Variants in WWOX observed in about 807,000 individuals in gnomAD.
The protein encoded by WWOX is WW domain containing oxidoreductase, also known as WW domain-containing oxidoreductase.
Under a neutral mutation model 46.2 loss-of-function variants are expected in WWOX, and 69 were observed. The observed-to-expected ratio is 1.49, with a 90% CI of 1.23 to 1.82. The LOEUF is 1.82. Among genes scored for constraint, WWOX ranks in the 40% most tolerant of loss-of-function variants. WWOX has a pLI of 0.00. For missense variants in WWOX, 919 were observed against 542.6 expected, an observed-to-expected ratio of 1.69 and a Z score of -6.89; for synonymous variants, 359 against 202.6, an observed-to-expected ratio of 1.77 and a Z score of -6.56.
chr16:78,274,929 G>A (rs538685486), intron 5 of WWOX, among the ~76,000 whole-genome samples: 1 of 152,280 alleles, frequency 6.6e-6, no homozygotes, highest in African/African-American at 2.4e-5. Context: ...TGGTAAGAGA[G>A]CCTTTCCCTT....
intron 8 of WWOX, among the ~76,000 whole-genome samples, chr16:78,557,689 A>ATTTTTTTTTTTTTTTTTTTTTTTTTT (rs34068363): frequency 9.3e-5 from 9 of 96,624 alleles, no homozygotes; most frequent in East Asian, 2.8e-4. Flanking sequence ...CTAGGGAAGG[A>ATTTTTTTTTTTTTTTTTTTTTTTTTT]TTTTTTTTTT....
intron 8 of WWOX, among the ~76,000 whole-genome samples, chr16:78,915,540 G>A (rs1165660751): frequency 6.6e-6 from 1 of 152,072 alleles, no homozygotes; most frequent in Non-Finnish European, 1.5e-5. Context: ...ATGTTAGCAG[G>A]GGACTGGGCA....
intron 8 of WWOX, among the ~76,000 whole-genome samples, chr16:78,629,783 A>G (rs997293436): frequency 8.5e-5 from 13 of 152,200 alleles, no homozygotes; most frequent in Non-Finnish European, 5.9e-5. Context: ...TCTTTCATAT[A>G]AGTATTTCTT....
chr16:78,818,916 C>T (rs1484408717), intron 8 of WWOX, among the ~76,000 whole-genome samples: 1 of 152,208 alleles, frequency 6.6e-6, no homozygotes, highest in Admixed American at 6.5e-5. Context: ...AGAGCAGAGT[C>T]AGGAAACCTA....
chr16:78,369,258 G>T (rs1241586386), intron 5 of WWOX, among the ~76,000 whole-genome samples: 2 of 151,946 alleles, frequency 1.3e-5, no homozygotes. Flanking sequence ...AGTTCCAAAA[G>T]ATAGTGAAGA....
intron 5 of WWOX, among the ~76,000 whole-genome samples, chr16:78,253,881 A>G (rs1597405164): frequency 6.6e-6 from 1 of 152,132 alleles, no homozygotes; most frequent in Non-Finnish European, 1.5e-5. Flanking sequence ...TTCGGCATAC[A>G]CTTCCCACCT....
chr16:78,925,643 C>G (rs1384044405), intron 8 of WWOX, among the ~76,000 whole-genome samples: 1 of 152,226 alleles, frequency 6.6e-6, no homozygotes, highest in South Asian at 2.1e-4. Flanking sequence ...GTACAGAACT[C>G]TTTTCCTCAA....
chr16:78,633,159 G>A (rs1478760913), intron 8 of WWOX, among the ~76,000 whole-genome samples: 3 of 152,100 alleles, frequency 2.0e-5, no homozygotes, highest in African/African-American at 7.2e-5. Context: ...TTACTCGGGA[G>A]GCTGAGGCAG....
At chr16:79,064,946 G>T (rs1342707028) in intron 8 of WWOX, among the ~76,000 whole-genome samples, 1 of 152,192 alleles carries the variant, frequency 6.6e-6, no homozygotes. Context: ...AGGAATCTGT[G>T]TTTATAGAGA....
intron 5 of WWOX, among the ~76,000 whole-genome samples, chr16:78,190,463 T>A (rs2035850332): frequency 6.6e-6 from 1 of 152,316 alleles, no homozygotes; most frequent in Non-Finnish European, 1.5e-5. Flanking sequence ...CTATCCAGTA[T>A]ACCTAGTGAC....
chr16:78,818,918 G>C (rs2051417778), intron 8 of WWOX, among the ~76,000 whole-genome samples: 1 of 152,222 alleles, frequency 6.6e-6, no homozygotes, highest in Non-Finnish European at 1.5e-5. Flanking sequence ...AGCAGAGTCA[G>C]GAAACCTAGA....
At chr16:79,008,954 A>C (rs2047246012) in intron 8 of WWOX, among the ~76,000 whole-genome samples, 1 of 152,370 alleles carries the variant, frequency 6.6e-6, no homozygotes, top group East Asian at 1.9e-4. Context: ...TGCCTTGGCC[A>C]GGTATTGAGT....
intron 8 of WWOX, among the ~76,000 whole-genome samples, chr16:78,593,091 C>T (rs1401980290): frequency 2.0e-5 from 3 of 152,154 alleles, no homozygotes; most frequent in Non-Finnish European, 2.9e-5. Flanking sequence ...GAAGAAATGA[C>T]AACGAATATT....
chr16:78,797,186 G>A (rs1332552850), intron 8 of WWOX, among the ~76,000 whole-genome samples: 1 of 151,894 alleles, frequency 6.6e-6, no homozygotes, highest in African/African-American at 2.4e-5. Context: ...CTCATTGGAT[G>A]TGGAAGAAAT....
chr16:78,848,322 T>G (rs59002608), intron 8 of WWOX, among the ~76,000 whole-genome samples: 1 of 152,184 alleles, frequency 6.6e-6, no homozygotes, highest in African/African-American at 2.4e-5. Context: ...AAGTCATATT[T>G]GCCCCCACAG....
chr16:78,877,306 C>A (rs1076599), intron 8 of WWOX, among the ~76,000 whole-genome samples: 52,311 of 151,378 alleles, frequency 0.35, 10,992 homozygotes, highest in Non-Finnish European at 0.46. Flanking sequence ...CTGCCTCCCC[C>A]CTGTGAGCTT....
chr16:78,333,043 C>CTTTTTTTTTTTATTTTTTTTTTTTTTTTT (rs2080798235), intron 5 of WWOX, among the ~76,000 whole-genome samples: 1 of 57,094 alleles, frequency 1.8e-5, no homozygotes, highest in Non-Finnish European at 3.8e-5. Flanking sequence ...GAGCATTATA[C>CTTTTTTTTTTTATTTTTTTTTTTTTTTTT]TTTTTTTTTT....
At chr16:78,604,357 A>C (rs574618598) in intron 8 of WWOX, among the ~76,000 whole-genome samples, 80 of 152,034 alleles carry the variant, frequency 5.3e-4, no homozygotes, top group Non-Finnish European at 4.4e-5. Context: ...AGTGTGGCAG[A>C]TGTTACTGTA....
At chr16:78,720,491 C>A (rs1030265984) in intron 8 of WWOX, among the ~76,000 whole-genome samples, 2 of 145,934 alleles carry the variant, frequency 1.4e-5, no homozygotes, top group Admixed American at 6.9e-5. Context: ...TTTTATGACA[C>A]TTTTCTTCTG....
Sources: gnomAD v4.1 joint callset for allele counts (sites outside exome capture counted in the v4.1 genomes callset) on GRCh38, gnomAD v4.1.1 for gene constraint, MANE v1.5 for transcripts, NCBI Gene and HGNC (gene_info 2026-07-23, HGNC 2026-07-21) for gene names.